FSTL5: variants seen among roughly 807,000 people sequenced by gnomAD.
FSTL5 encodes follistatin like 5.
FSTL5 carries 62 observed loss-of-function variants against 89.1 expected under a neutral mutation model. The ratio of observed to expected loss-of-function variants is 0.70; its 90% CI spans 0.57 to 0.86. The LOEUF is 0.86. FSTL5 is among the 40% of genes least tolerant of loss of function. FSTL5 has a pLI of 0.00. For synonymous variants in FSTL5, 383 were observed against 346.2 expected (o/e 1.11, Z -1.18); for missense variants, 1,057 against 1,001.6 (o/e 1.06, Z -0.75).
intron 15 of FSTL5, among the ~76,000 whole-genome samples, chr4:161,437,084 C>T (rs1732582454): frequency 6.6e-6 from 1 of 151,930 alleles, no homozygotes; most frequent in African/African-American, 2.4e-5. Context: ...GCATATAACG[C>T]CATTAAAATA....
intron 3 of FSTL5, among the ~76,000 whole-genome samples, chr4:161,970,962 T>C (rs1253447992): frequency 6.6e-6 from 1 of 152,112 alleles, no homozygotes; most frequent in Non-Finnish European, 1.5e-5. Flanking sequence ...GTACTCTCTT[T>C]ATGTGATATA....
intron 8 of FSTL5, among the ~76,000 whole-genome samples, chr4:161,548,375 T>C (rs1353685586): frequency 1.3e-5 from 2 of 151,854 alleles, no homozygotes; most frequent in African/African-American, 4.8e-5. Flanking sequence ...TGTCCTGTAA[T>C]AGAGTTGAAA....
At chr4:161,634,059 G>T (rs1735600329) in intron 7 of FSTL5, among the ~76,000 whole-genome samples, 1 of 152,172 alleles carries the variant, frequency 6.6e-6, no homozygotes, top group African/African-American at 2.4e-5. Context: ...CACAGAATCT[G>T]TTCCTAATCA....
chr4:161,608,920 T>C (rs984410040), intron 7 of FSTL5, among the ~76,000 whole-genome samples: 4 of 152,112 alleles, frequency 2.6e-5, no homozygotes, highest in African/African-American at 9.6e-5. Flanking sequence ...CTGGTATATA[T>C]ATTCCAGAAT....
chr4:161,598,579 T>C (rs1233328747), intron 7 of FSTL5, among the ~76,000 whole-genome samples: 1 of 152,132 alleles, frequency 6.6e-6, no homozygotes, highest in Non-Finnish European at 1.5e-5. Flanking sequence ...TGTATTAAGA[T>C]AAAGTGTCTC....
At chr4:161,842,935 A>C (rs1731257522) in intron 4 of FSTL5, among the ~76,000 whole-genome samples, 1 of 152,084 alleles carries the variant, frequency 6.6e-6, no homozygotes, top group East Asian at 1.9e-4. Flanking sequence ...TAGAATACCT[A>C]TTTGCTAACT....
intron 15 of FSTL5, among the ~76,000 whole-genome samples, chr4:161,412,945 G>A (rs1010993036): frequency 2.0e-5 from 3 of 152,026 alleles, no homozygotes; most frequent in African/African-American, 7.2e-5. Flanking sequence ...TTAAATGTAA[G>A]GCCTCAAATT....
At chr4:161,979,671 C>G (rs1488402735) in intron 3 of FSTL5, among the ~76,000 whole-genome samples, 1 of 151,976 alleles carries the variant, frequency 6.6e-6, no homozygotes, top group Admixed American at 6.6e-5. Flanking sequence ...AAAGGGGTAC[C>G]CATAACACTG....
intron 4 of FSTL5, among the ~76,000 whole-genome samples, chr4:161,878,724 A>C (rs1306535321): frequency 1.3e-5 from 2 of 152,152 alleles, no homozygotes; most frequent in Non-Finnish European, 2.9e-5. Flanking sequence ...CAGGTTTACT[A>C]TATATTAGTG....
intron 2 of FSTL5, among the ~76,000 whole-genome samples, chr4:162,102,636 T>A (rs994987230): frequency 4.1e-5 from 6 of 146,220 alleles, no homozygotes; most frequent in Admixed American, 6.9e-5. Context: ...ATAACATATA[T>A]AAATATGTAT....
intron 6 of FSTL5, among the ~76,000 whole-genome samples, chr4:161,695,020 T>A (rs1738089528): frequency 6.6e-6 from 1 of 152,156 alleles, no homozygotes; most frequent in South Asian, 2.1e-4. Context: ...ATTCTTTTTT[T>A]AAATTTAATC....
intron 8 of FSTL5, among the ~76,000 whole-genome samples, chr4:161,585,256 C>T (rs546221339): frequency 9.9e-5 from 15 of 152,174 alleles, no homozygotes; most frequent in Non-Finnish European, 1.9e-4. Flanking sequence ...AAGAAACCTA[C>T]ATCAGACATG....
intron 4 of FSTL5, among the ~76,000 whole-genome samples, chr4:161,826,891 C>A (rs1310488422): frequency 6.6e-6 from 1 of 152,076 alleles, no homozygotes; most frequent in Non-Finnish European, 1.5e-5. Flanking sequence ...TTATGTTCAA[C>A]GTTGAGATGT....
intron 11 of FSTL5, among the ~76,000 whole-genome samples, chr4:161,509,201 GC>G (rs1476261035): frequency 2.0e-5 from 3 of 152,136 alleles, no homozygotes; most frequent in African/African-American, 7.2e-5. Context: ...TACTCGGGAG[GC>G]TAAGGCAGGA....
In FSTL5 at chr4:161,788,207, T is replaced by C. The variant is rs76713319; in HGVS notation, c.410-12133A>G. 1.7e-3 allele frequency among the ~76,000 whole-genome samples: 261 copies of C among 152,344 alleles called. 5 individuals carry two copies. In the East Asian group the frequency reaches 0.043, roughly 25 times the overall value. The stretch of plus-strand genomic sequence containing the variant: ...TATATACATTGTGTAATGATCAAAT[T>C]AGGGTAAGTAGTATATCCATCACTT... On this transcript the variant is annotated intron_variant, in intron 4 of 15. Transcript: ENST00000306100.
chr4:162,015,816 A>G (rs1011904901), intron 3 of FSTL5, among the ~76,000 whole-genome samples: 1 of 152,170 alleles, frequency 6.6e-6, no homozygotes, highest in Non-Finnish European at 1.5e-5. Flanking sequence ...ATAGCATGTC[A>G]GCTTTTCCAA....
At chr4:161,606,240 A>ATTTTTTTTTTTTTTTTTTTTTTTTTTT (rs71598720) in intron 7 of FSTL5, among the ~76,000 whole-genome samples, 1 of 117,868 alleles carries the variant, frequency 8.5e-6, no homozygotes, top group Non-Finnish European at 1.7e-5. Context: ...ATTATCTGTG[A>ATTTTTTTTTTTTTTTTTTTTTTTTTTT]TTTTTTTTTT....
At chr4:162,060,856 A>G (rs547973522) in intron 2 of FSTL5, among the ~76,000 whole-genome samples, 15 of 152,158 alleles carry the variant, frequency 9.9e-5, no homozygotes, top group African/African-American at 3.4e-4. Context: ...AGGTTCTTCT[A>G]TTGACAACTG....
intron 7 of FSTL5, among the ~76,000 whole-genome samples, chr4:161,646,793 A>T (rs1414053274): frequency 1.3e-5 from 2 of 152,164 alleles, no homozygotes; most frequent in Non-Finnish European, 2.9e-5. Context: ...GCAGAAAGAG[A>T]ATTACCATAC....
Sources: allele counts gnomAD v4.1 joint callset (sites outside exome capture counted in the v4.1 genomes callset), GRCh38; gene constraint gnomAD v4.1.1; transcripts MANE v1.5; gene names NCBI Gene and HGNC (gene_info 2026-07-23, HGNC 2026-07-21).